DNAJC24: variants seen among roughly 807,000 people sequenced by gnomAD.
DNAJC24 encodes the protein dnaJ homolog subfamily C member 24.
In DNAJC24, 17 loss-of-function variants were observed where a neutral mutation model predicts 18.0. That is an observed-to-expected ratio of 0.94 (90% CI 0.65 to 1.42). DNAJC24 has a LOEUF of 1.42. Among genes scored for constraint, DNAJC24 ranks in the 40% most tolerant of loss-of-function variants. DNAJC24 has a pLI of 0.00. For synonymous variants in DNAJC24, 55 were observed against 57.7 expected, an observed-to-expected ratio of 0.95 and a Z score of 0.21; for missense variants, 158 against 175.6, an observed-to-expected ratio of 0.90 and a Z score of 0.57.
At position 31,404,898 on chromosome 11, in the gene DNAJC24, A is replaced by C. The variant is rs540132298; in HGVS notation, c.112-9913A>C. ...CCTTCCCCAGAATCATTTGCAAAAA[A>C]AAAACCAAAACACAAACACCAACCA... On this transcript the variant is annotated intron_variant, in intron 2 of 4. Coordinates refer to ENST00000465995, the MANE Select transcript of DNAJC24 (RefSeq NM_181706.5). Among the ~76,000 whole-genome samples the C allele has an allele frequency of 4.7e-4, 71 of 151,944 alleles. 1 individual carries two copies. The highest frequency in any genetic ancestry group is 1.6e-3 in the African/African-American group (67 of 41,504).
rs1174442093 is a variant in DNAJC24, at chr11:31,409,876, T to TTTTTTC, written c.112-4923_112-4918dup. ...TCAACACTTGGTGTTATCAGCATTTTTTTTTCTTTTTCTTTTTTTTTTTTT... is the reference window on the plus strand; with the variant it reads ...TCAACACTTGGTGTTATCAGCATTTTTTTTTCTTTTTCTTTTTCTTTTTTTTTTTTT... On this transcript the variant is annotated intron_variant, in intron 2 of 4. Coordinates refer to ENST00000465995, the MANE Select transcript of DNAJC24 (RefSeq NM_181706.5). Among the ~76,000 whole-genome samples the TTTTTTC allele has an allele frequency of 2.0e-5, 3 of 150,404 alleles. No individual in the cohort carries two copies. The East Asian group carries it at 5.8e-4, about 29-fold the overall frequency.
chr11:31,426,564 T>C (rs1952863778), intron 4 of DNAJC24: 1 of 410,190 alleles, frequency 2.4e-6, no homozygotes. Context: ...TCATTTCCAG[T>C]TATTTTTATA....
At position 31,432,681 on chromosome 11, in the gene DNAJC24, T is replaced by C; in HGVS notation, c.*2280T>C. 1 of 691,574 alleles carries C rather than the reference T, an allele frequency of 1.4e-6. No individual in the cohort carries two copies. The highest frequency in any genetic ancestry group is 2.6e-6 in the Non-Finnish European group (1 of 387,488). 42.8% of individuals were successfully genotyped at this position (691,574 alleles called of 1,614,324 possible). On this transcript the variant is annotated 3_prime_UTR_variant, in exon 5 of 5. Transcript: ENST00000465995. ...CTATGCCAGATAAACACTTTCTCCT[T>C]ACTCATCAATCAAGAATAAAATTTT...
rs543984798 is a variant in DNAJC24 at position 31,372,615 on chromosome 11, C to G, written c.111+1756C>G. Reference sequence around the variant, plus strand: ...GGCCATGCTGGCCTTTAATTGGCCACTGAGAAGCAGTCTGCACATAATATG... The same window carrying G: ...GGCCATGCTGGCCTTTAATTGGCCAGTGAGAAGCAGTCTGCACATAATATG... On this transcript the variant is annotated intron_variant, in intron 2 of 4. Coordinates refer to ENST00000465995, the MANE Select transcript of DNAJC24 (RefSeq NM_181706.5). Among the ~76,000 whole-genome samples, 9 of 135,964 alleles carry G rather than the reference C, an allele frequency of 6.6e-5. 2 individuals carry two copies. Among genetic ancestry groups the G allele is most frequent in the Admixed American group, 3.8e-4 (5 of 13,310 alleles). 89.2% of individuals were successfully genotyped at this position (135,964 alleles called of 152,430 possible).
intron 2 of DNAJC24, among the ~76,000 whole-genome samples, chr11:31,374,846 A>G (rs1233005425): frequency 1.5e-5 from 2 of 134,900 alleles, no homozygotes; most frequent in Non-Finnish European, 3.4e-5. Context: ...TGAATTTGTT[A>G]TCATTTATTG....
At chr11:31,428,513 A>C (rs1360413762) in intron 4 of DNAJC24, among the ~76,000 whole-genome samples, 1 of 152,178 alleles carries the variant, frequency 6.6e-6, no homozygotes, top group Non-Finnish European at 1.5e-5. Flanking sequence ...ATTTGTTTGA[A>C]GATCCCTTTA....
At position 31,432,680 on chromosome 11, in the gene DNAJC24, T is replaced by G. The variant is rs768018814; in HGVS notation, c.*2279T>G. The G allele has an allele frequency of 1.4e-6, 1 of 698,136 alleles. No homozygotes were observed. The highest frequency in any genetic ancestry group is 2.6e-6 in the Non-Finnish European group (1 of 391,594). 43.2% of individuals were successfully genotyped at this position (698,136 alleles called of 1,614,324 possible). A position where few individuals can be genotyped will look rare whatever the true frequency, so the allele number is the denominator to read the frequency against. On this transcript the variant is annotated 3_prime_UTR_variant, in exon 5 of 5. Transcript: ENST00000465995. ...TCTATGCCAGATAAACACTTTCTCCTTACTCATCAATCAAGAATAAAATTT... is the reference window on the plus strand; with the variant it reads ...TCTATGCCAGATAAACACTTTCTCCGTACTCATCAATCAAGAATAAAATTT...
intron 2 of DNAJC24, among the ~76,000 whole-genome samples, chr11:31,398,264 G>C (rs1346271785): frequency 6.7e-6 from 1 of 148,224 alleles, no homozygotes; most frequent in Non-Finnish European, 1.5e-5. Flanking sequence ...CTTGTTTATT[G>C]AGCTTCATTT....
intron 2 of DNAJC24, among the ~76,000 whole-genome samples, chr11:31,378,656 T>G (rs552455909): frequency 6.0e-5 from 9 of 148,814 alleles, no homozygotes; most frequent in Admixed American, 4.7e-4. Flanking sequence ...TTTCCAGTGG[T>G]TTTTTTTTTA....
chr11:31,422,073 C>A lies in DNAJC24; in HGVS notation c.251-4214C>A, dbSNP rs762084885. On this transcript the variant is annotated intron_variant, in intron 3 of 4. Transcript: ENST00000465995. ...TTTCACCTCTTGTTGTCAGACAAAT[C>A]CAATAGAACACAAGGTCAGAAGGGC... The A allele has an allele frequency of 2.0e-5, 7 of 348,202 alleles. No homozygotes were observed. The East Asian group carries it at 4.8e-4, about 24-fold the overall frequency. 21.6% of individuals were successfully genotyped at this position (348,202 alleles called of 1,614,324 possible).
chr11:31,420,384 C>G (rs931799650), intron 3 of DNAJC24, among the ~76,000 whole-genome samples: 6 of 152,092 alleles, frequency 3.9e-5, no homozygotes, highest in African/African-American at 1.4e-4. Flanking sequence ...GAACTAAAGA[C>G]ACAGAATTGT....
intron 2 of DNAJC24, among the ~76,000 whole-genome samples, chr11:31,398,172 T>C (rs1025449659): frequency 5.3e-5 from 8 of 152,196 alleles, no homozygotes; most frequent in Non-Finnish European, 7.3e-5. Context: ...TTAAGTTCAT[T>C]GACTTTAACT....
chr11:31,397,071 T>G (rs992702922), intron 2 of DNAJC24, among the ~76,000 whole-genome samples: 1 of 152,204 alleles, frequency 6.6e-6, no homozygotes, highest in Non-Finnish European at 1.5e-5. Flanking sequence ...CTTATCCAAG[T>G]GAAAACTTTC....
At chr11:31,383,240 T>A (rs1488852772) in intron 2 of DNAJC24, among the ~76,000 whole-genome samples, 1 of 151,930 alleles carries the variant, frequency 6.6e-6, no homozygotes. Context: ...CCCTCTCCAC[T>A]TCCTGGAGGT....
intron 2 of DNAJC24, among the ~76,000 whole-genome samples, chr11:31,411,661 T>C (rs1473716259): frequency 3.3e-5 from 5 of 152,204 alleles, no homozygotes; most frequent in Admixed American, 3.3e-4. Context: ...GTCTCTTCTG[T>C]GTGTCAGCTC....
rs749589524 is a variant in DNAJC24 at position 31,414,969 on chromosome 11, A to G, written c.250+20A>G. 7 of 1,610,096 alleles carry G rather than the reference A, an allele frequency of 4.3e-6. No homozygotes were observed. In the Admixed American group the frequency reaches 1.2e-4, roughly 27 times the overall value. On this transcript the variant is annotated intron_variant, in intron 3 of 4. Coordinates refer to ENST00000465995, the MANE Select transcript of DNAJC24 (RefSeq NM_181706.5). ...GGTGTGGTAGGTGCTTGTGTTGAGG[A>G]GCCACAGCACATCGGCAACTCTTAG...
Position 31,373,571 on chromosome 11 carries a change from G to C in DNAJC24, c.111+2712G>C, listed in dbSNP as rs188699989. Among the ~76,000 whole-genome samples, 481 of 134,472 alleles carry C rather than the reference G, an allele frequency of 3.6e-3. 44 individuals are homozygous for C. Among genetic ancestry groups the C allele is most frequent in the African/African-American group, 0.011 (434 of 40,290 alleles). The allele number at this position is 134,472 out of a possible 152,430, so 88.2% of individuals were successfully genotyped here. A position where few individuals can be genotyped will look rare whatever the true frequency, so the allele number is the denominator to read the frequency against. ...TTATCCTTCTTTTCCAGTTTATTTCGGTTATTCTAGTTTGCTTATATTTCC... is the reference window on the plus strand; with the variant it reads ...TTATCCTTCTTTTCCAGTTTATTTCCGTTATTCTAGTTTGCTTATATTTCC... On this transcript the variant is annotated intron_variant, in intron 2 of 4. Transcript: ENST00000465995.
At position 31,372,623 on chromosome 11, in the gene DNAJC24, C is replaced by T. The variant is rs185421127; in HGVS notation, c.111+1764C>T. ...TGGCCTTTAATTGGCCACTGAGAAG[C>T]AGTCTGCACATAATATGTAGTATCT... On this transcript the variant is annotated intron_variant, in intron 2 of 4. Coordinates refer to ENST00000465995, the MANE Select transcript of DNAJC24 (RefSeq NM_181706.5). Among the ~76,000 whole-genome samples the T allele has an allele frequency of 1.1e-3, 152 of 135,894 alleles. 41 individuals carry two copies. Among genetic ancestry groups the T allele is most frequent in the Non-Finnish European group, 2.4e-4 (14 of 58,702 alleles). 89.2% of individuals were successfully genotyped at this position (135,894 alleles called of 152,430 possible).
At chr11:31,390,584 TA>T (rs1952484484) in intron 2 of DNAJC24, among the ~76,000 whole-genome samples, 1 of 150,842 alleles carries the variant, frequency 6.6e-6, no homozygotes, top group Admixed American at 6.6e-5. Flanking sequence ...CGCATGCCTG[TA>T]GTCCCAGCTA....
Sources: allele counts gnomAD v4.1 joint callset (sites outside exome capture counted in the v4.1 genomes callset), GRCh38; gene constraint gnomAD v4.1.1; transcripts MANE v1.5; gene names NCBI Gene and HGNC (gene_info 2026-07-23, HGNC 2026-07-21).